CNTN6: variants seen among roughly 807,000 people sequenced by gnomAD.
CNTN6 encodes contactin-6.
A neutral mutation model predicts 122.8 loss-of-function variants in CNTN6; 137 were observed. That is an observed-to-expected ratio of 1.12 (90% confidence interval 0.97 to 1.29). CNTN6 has a LOEUF of 1.29. CNTN6 is among the 50% of genes most tolerant of loss of function. CNTN6 has a pLI of 0.00. For missense variants in CNTN6, 1,634 were observed against 1,223.4 expected (o/e 1.34, Z -5.01); for synonymous variants, 570 against 426.0 (o/e 1.34, Z -4.16).
chr3:1,204,568 TC>T (rs60041403), intron 2 of CNTN6, among the ~76,000 whole-genome samples: 10 of 68,272 alleles, frequency 1.5e-4, no homozygotes, highest in African/African-American at 9.1e-4. Context: ...CTCTCCCTTC[TC>T]TTTGCTGTCT....
intron 12 of CNTN6, among the ~76,000 whole-genome samples, chr3:1,364,828 C>T (rs1431939459): frequency 6.6e-6 from 1 of 151,930 alleles, no homozygotes; most frequent in African/African-American, 2.4e-5. Flanking sequence ...AGCGTCACAT[C>T]ATATATTCTA....
At position 1,388,068 on chromosome 3, in the gene CNTN6, A is replaced by G. The variant is rs537703723; in HGVS notation, c.2704+2271A>G. Reference sequence around the variant, plus strand: ...ACTGGGTGGAGCCCACCACAGCTCAAGGAGGCCTGCCTGCAACTGTAGGCT... The same window carrying G: ...ACTGGGTGGAGCCCACCACAGCTCAGGGAGGCCTGCCTGCAACTGTAGGCT... On this transcript the variant is annotated intron_variant, in intron 20 of 22. Coordinates refer to ENST00000446702, the MANE Select transcript of CNTN6 (RefSeq NM_001289080.2). Among the ~76,000 whole-genome samples, 467 of 151,972 alleles carry G rather than the reference A, an allele frequency of 3.1e-3. 2 individuals are homozygous for G. The highest frequency in any genetic ancestry group is 0.01 in the African/African-American group (425 of 41,268).
chr3:1,237,911 A>G (rs1295517669), intron 4 of CNTN6, among the ~76,000 whole-genome samples: 1 of 152,170 alleles, frequency 6.6e-6, no homozygotes, highest in African/African-American at 2.4e-5. Context: ...TAAATCTGAA[A>G]CAAATCTTCA....
chr3:1,114,229 A>G (rs967436624), intron 1 of CNTN6, among the ~76,000 whole-genome samples: 5 of 152,154 alleles, frequency 3.3e-5, no homozygotes, highest in Non-Finnish European at 7.4e-5. Flanking sequence ...GCAAAGGCAG[A>G]ATGACTGGTA....
intron 5 of CNTN6, among the ~76,000 whole-genome samples, chr3:1,282,644 G>A (rs1044993511): frequency 5.3e-5 from 8 of 152,166 alleles, no homozygotes; most frequent in African/African-American, 1.9e-4. Context: ...TGTAAGGACA[G>A]CACAGAGAGG....
At chr3:1,264,634 A>C (rs1207958202) in intron 4 of CNTN6, among the ~76,000 whole-genome samples, 2 of 152,160 alleles carry the variant, frequency 1.3e-5, no homozygotes, top group Non-Finnish European at 2.9e-5. Context: ...TGGTATTTTG[A>C]TGTATCTTTA....
chr3:1,293,364 C>A (rs891013634), intron 5 of CNTN6, among the ~76,000 whole-genome samples: 3 of 151,398 alleles, frequency 2.0e-5, no homozygotes, highest in Non-Finnish European at 4.4e-5. Context: ...TGACAATATT[C>A]CCTCATTCCC....
intron 2 of CNTN6, chr3:1,173,112 C>G: frequency 2.4e-6 from 1 of 408,716 alleles, no homozygotes; most frequent in East Asian, 7.1e-5. Context: ...GATGTTCTCT[C>G]TCTTCTGGCT....
chr3:1,348,155 G>GAGAAAAAAAAAAAAAA (rs1457391939), intron 11 of CNTN6, among the ~76,000 whole-genome samples: 1 of 21,978 alleles, frequency 4.6e-5, no homozygotes, highest in Non-Finnish European at 7.9e-5. Context: ...CTATGCTATA[G>GAGAAAAAAAAAAAAAA]ACAAAAAAAA....
At chr3:1,171,165 C>T (rs940603959) in intron 2 of CNTN6, among the ~76,000 whole-genome samples, 1 of 152,160 alleles carries the variant, frequency 6.6e-6, no homozygotes, top group Non-Finnish European at 1.5e-5. Context: ...ATGTCTACTT[C>T]TTAATGCTAT....
At position 1,373,714 on chromosome 3, in the gene CNTN6, A is replaced by G. The variant is rs566427463; in HGVS notation, c.1897A>G (p.Ile633Val). Residue 633 changes from isoleucine to valine, a missense_variant, in exon 15 of 23, where the codon ATT becomes GTT. Transcript: ENST00000446702. ...DNNSPIQIFT[I>V]QTRTPFSVGW... The stretch of plus-strand genomic sequence containing the variant: ...TAACAGTCCCATTCAAATATTTACT[A>G]TTCAGACTCGGACACCATTTTCTGT... 3 of 1,612,726 alleles carry G rather than the reference A, an allele frequency of 1.9e-6. No homozygotes were observed. Among genetic ancestry groups the G allele is most frequent in the East Asian group, 2.2e-5 (1 of 44,838 alleles).
At chr3:1,204,535 C>T (rs1050591409) in intron 2 of CNTN6, among the ~76,000 whole-genome samples, 55 of 149,014 alleles carry the variant, frequency 3.7e-4, no homozygotes, top group Non-Finnish European at 8.9e-5. Context: ...ATTTCTCTAC[C>T]TCCTGCTGTT....
intron 1 of CNTN6, among the ~76,000 whole-genome samples, chr3:1,118,553 T>G (rs1053994908): frequency 6.6e-6 from 1 of 152,168 alleles, no homozygotes; most frequent in Non-Finnish European, 1.5e-5. Context: ...TCATTCATCT[T>G]TATTATTCTT....
intron 11 of CNTN6, among the ~76,000 whole-genome samples, chr3:1,346,122 A>G (rs1175608766): frequency 6.6e-6 from 1 of 152,054 alleles, no homozygotes; most frequent in Non-Finnish European, 1.5e-5. Context: ...ATCTACATGT[A>G]CAGATCTGTT....
At chr3:1,233,087 C>T (rs570903562) in intron 4 of CNTN6, among the ~76,000 whole-genome samples, 13 of 152,054 alleles carry the variant, frequency 8.5e-5, no homozygotes, top group African/African-American at 1.7e-4. Context: ...CCTTTATATC[C>T]GGGCCTAATC....
At chr3:1,380,863 T>C (rs946898414) in intron 17 of CNTN6, among the ~76,000 whole-genome samples, 7 of 152,250 alleles carry the variant, frequency 4.6e-5, no homozygotes, top group Admixed American at 3.3e-4. Context: ...ATTATTAGTT[T>C]ATCAATTTTC....
intron 20 of CNTN6, among the ~76,000 whole-genome samples, chr3:1,395,050 C>T (rs1009151409): frequency 6.6e-6 from 1 of 152,044 alleles, no homozygotes; most frequent in Admixed American, 6.5e-5. Context: ...TATCTAGTTT[C>T]AATAGCTCTT....
At chr3:1,383,910 T>A (rs1323174904) in intron 19 of CNTN6, among the ~76,000 whole-genome samples, 1 of 137,634 alleles carries the variant, frequency 7.3e-6, no homozygotes, top group Non-Finnish European at 1.6e-5. Flanking sequence ...GGTGTTGCCA[T>A]GGCAGTGGTA....
chr3:1,229,770 C>A lies in CNTN6; in HGVS notation c.358+1777C>A, dbSNP rs79429661. Reference sequence around the variant, plus strand: ...AAATGGGACAAATCAATTTTTCTGTCCTTATTGACTTTCCCATCTTATCAT... The same window carrying A: ...AAATGGGACAAATCAATTTTTCTGTACTTATTGACTTTCCCATCTTATCAT... On this transcript the variant is annotated intron_variant, in intron 4 of 22. Transcript: ENST00000446702. Among the ~76,000 whole-genome samples, 1,506 of 152,138 alleles carry A rather than the reference C, an allele frequency of 9.9e-3. 31 individuals carry two copies. Among genetic ancestry groups the A allele is most frequent in the African/African-American group, 0.034 (1,413 of 41,504 alleles).
Sources: gnomAD v4.1 joint callset for allele counts (sites outside exome capture counted in the v4.1 genomes callset) on GRCh38, gnomAD v4.1.1 for gene constraint, MANE v1.5 for transcripts, NCBI Gene and HGNC (gene_info 2026-07-23, HGNC 2026-07-21) for gene names.